Variants in FUBP3 observed in about 807,000 individuals in gnomAD.
The protein encoded by FUBP3 is far upstream element binding protein 3, also known as far upstream element-binding protein 3.
Under a neutral mutation model 85.6 loss-of-function variants are expected in FUBP3, and 28 were observed. The ratio of observed to expected loss-of-function variants is 0.33; its 90% confidence interval spans 0.24 to 0.45. The LOEUF is 0.45. Ranked by LOEUF, FUBP3 falls within the 20% of genes least tolerant of loss-of-function variation. FUBP3 has a pLI of 1.00. For synonymous variants in FUBP3, 271 were observed against 271.4 expected (o/e 1.00, Z 0.01); for missense variants, 583 against 755.1 (o/e 0.77, Z 2.67).
intron 1 of FUBP3, among the ~76,000 whole-genome samples, chr9:130,586,421 A>T (rs1442785374): frequency 1.3e-5 from 2 of 152,170 alleles, no homozygotes; most frequent in African/African-American, 4.8e-5. Context: ...TTGTAAATTG[A>T]GACAGGATCT....
intron 2 of FUBP3, among the ~76,000 whole-genome samples, chr9:130,606,495 T>G (rs1831443443): frequency 6.6e-6 from 1 of 152,144 alleles, no homozygotes; most frequent in African/African-American, 2.4e-5. Flanking sequence ...TTTTTGTTCC[T>G]TGTGCTGGGG....
intron 6 of FUBP3, 133 bp downstream of exon 6, chr9:130,614,478 A>G (rs958896261): frequency 1.2e-5 from 7 of 574,710 alleles, no homozygotes; most frequent in African/African-American, 1.1e-4. Context: ...ATAATTCCAT[A>G]GGAAAAAAAT....
At chr9:130,588,062 A>G (rs919578128) in intron 1 of FUBP3, among the ~76,000 whole-genome samples, 2 of 152,174 alleles carry the variant, frequency 1.3e-5, no homozygotes, top group African/African-American at 4.8e-5. Context: ...GATGACAACA[A>G]TAGTTCTCAT....
rs1464355835 is a variant in FUBP3, at chr9:130,589,689, A to T, written c.85-5794A>T. 2.8e-4 allele frequency among the ~76,000 whole-genome samples: 8 copies of T among 28,508 alleles called. 2 individuals are homozygous for T. The highest frequency in any genetic ancestry group is 4.4e-4 in the African/African-American group (3 of 6,794). The allele number at this position is 28,508 out of a possible 152,430, so 18.7% of individuals were successfully genotyped here. A position where few individuals can be genotyped will look rare whatever the true frequency, so the allele number is the denominator to read the frequency against. On this transcript the variant is annotated intron_variant, in intron 1 of 18. Coordinates refer to ENST00000319725, the MANE Select transcript of FUBP3 (RefSeq NM_003934.2). ...TGTATGTGTGTGTATATATATATAT[A>T]TATATATATATATATATTTTTTTTT...
rs147024531 is a variant in FUBP3 at position 130,583,873 on chromosome 9, A to C, written c.84+4109A>C. Among the ~76,000 whole-genome samples the C allele has an allele frequency of 2.3e-3, 348 of 152,280 alleles. 3 individuals carry two copies. Among genetic ancestry groups the C allele is most frequent in the African/African-American group, 7.6e-3 (315 of 41,544 alleles). Reference sequence around the variant, plus strand: ...AGGCTTTTCTCATTTGCAGATGAGAACATTTATAATGTGATAATTTATCAT... The same window carrying C: ...AGGCTTTTCTCATTTGCAGATGAGACCATTTATAATGTGATAATTTATCAT... On this transcript the variant is annotated intron_variant, in intron 1 of 18. Coordinates refer to ENST00000319725, the MANE Select transcript of FUBP3 (RefSeq NM_003934.2).
intron 3 of FUBP3, 68 bp downstream of exon 3, chr9:130,610,055 C>A (rs1831661514): frequency 8.3e-7 from 1 of 1,201,834 alleles, no homozygotes; most frequent in Non-Finnish European, 1.2e-6. Flanking sequence ...ACCATCTGTA[C>A]TAGAGTGCTA....
intron 1 of FUBP3, 67 bp downstream of exon 1, chr9:130,579,831 G>A (rs949514018): frequency 3.9e-6 from 4 of 1,024,366 alleles, no homozygotes; most frequent in Non-Finnish European, 3.8e-6. Flanking sequence ...GGGGAAGAGG[G>A]GTTCGGGCCT....
intron 9 of FUBP3, among the ~76,000 whole-genome samples, chr9:130,621,173 G>GA (rs1298770762): frequency 2.6e-5 from 4 of 151,962 alleles, no homozygotes; most frequent in Non-Finnish European, 4.4e-5. Flanking sequence ...AAAAATGAAG[G>GA]AAAAAAATGC....
chr9:130,627,786 T>A lies in FUBP3; in HGVS notation c.1117+1281T>A, dbSNP rs71501152. 4.6e-3 allele frequency among the ~76,000 whole-genome samples: 703 copies of A among 152,350 alleles called. 1 individual carries two copies. Among genetic ancestry groups the A allele is most frequent in the Middle Eastern group, 6.8e-3 (2 of 294 alleles). ...TGACGATTAGCTAGATCTAGATTTCTTGGCCTTTTGCAAACTATTTTGTCG... is the reference window on the plus strand; with the variant it reads ...TGACGATTAGCTAGATCTAGATTTCATGGCCTTTTGCAAACTATTTTGTCG... On this transcript the variant is annotated intron_variant, in intron 12 of 18. Transcript: ENST00000319725.
chr9:130,608,411 T>G (rs934548441), intron 2 of FUBP3, among the ~76,000 whole-genome samples: 4 of 152,220 alleles, frequency 2.6e-5, no homozygotes, highest in Non-Finnish European at 4.4e-5. Flanking sequence ...GTCGTTGACA[T>G]TCTCCTTTGG....
At chr9:130,587,635 C>T (rs1252633815) in intron 1 of FUBP3, among the ~76,000 whole-genome samples, 3 of 152,154 alleles carry the variant, frequency 2.0e-5, no homozygotes, top group African/African-American at 7.2e-5. Flanking sequence ...TTTTTCAGAA[C>T]GTGGACCTTT....
chr9:130,627,852 G>GC (rs1830043040), intron 12 of FUBP3, among the ~76,000 whole-genome samples: 1 of 152,176 alleles, frequency 6.6e-6, no homozygotes, highest in African/African-American at 2.4e-5. Flanking sequence ...CCCTGACTGA[G>GC]CATTGTTGCC....
At position 130,616,554 on chromosome 9, in the gene FUBP3, C is replaced by G; in HGVS notation, c.567+37C>G. ...CGGAGCACGGAGCACAGCGGCCGCT[C>G]GCAGCAGGTCTTCAGCTTCCTGGCC... On this transcript the variant is annotated intron_variant, in intron 7 of 18. Transcript: ENST00000319725. This position sits in a 1 kb window ranked among gnomAD's most constrained non-coding sequence, Gnocchi z 4.7. The G allele has an allele frequency of 1.9e-6, 3 of 1,601,094 alleles. No individual in the cohort carries two copies. The highest frequency in any genetic ancestry group is 2.6e-6 in the Non-Finnish European group (3 of 1,169,262).
In FUBP3 at chr9:130,579,648, T is replaced by A. The variant is rs1207238854; in HGVS notation, c.-33T>A. 8.3e-7 allele frequency: 1 copy of A among 1,210,052 alleles called. No homozygotes were observed. The highest frequency in any genetic ancestry group is 1.0e-6 in the Non-Finnish European group (1 of 965,600). 75.0% of individuals were successfully genotyped at this position (1,210,052 alleles called of 1,614,324 possible). ...GAGCCGAGCGGCGGCGTCGGCGGCG[T>A]CGGCGGCGGCGGCGACGGCGGCGGG... is the stretch of plus-strand genomic sequence containing the variant. On this transcript the variant is annotated 5_prime_UTR_variant, in exon 1 of 19. Coordinates refer to ENST00000319725, the MANE Select transcript of FUBP3 (RefSeq NM_003934.2).
chr9:130,604,242 A>G (rs565493543), intron 2 of FUBP3, among the ~76,000 whole-genome samples: 1 of 152,314 alleles, frequency 6.6e-6, no homozygotes, highest in Admixed American at 6.5e-5. Flanking sequence ...GGGGTCACCT[A>G]AGATCACAGC....
intron 5 of FUBP3, 148 bp downstream of exon 5, chr9:130,613,175 C>T (rs1831836713): frequency 1.6e-6 from 1 of 622,264 alleles, no homozygotes; most frequent in African/African-American, 1.8e-5. Flanking sequence ...TAAATGAGAA[C>T]CAGAAGGATC....
At chr9:130,623,447 T>G (rs1829836831) in intron 10 of FUBP3, among the ~76,000 whole-genome samples, 164 bp from the exon 11 acceptor site, 1 of 152,190 alleles carries the variant, frequency 6.6e-6, no homozygotes, top group African/African-American at 2.4e-5. Context: ...TGACACACAT[T>G]TTCCTATCAC....
chr9:130,627,810 C>T (rs1002580430), intron 12 of FUBP3, among the ~76,000 whole-genome samples: 3 of 152,174 alleles, frequency 2.0e-5, no homozygotes, highest in African/African-American at 7.2e-5. Flanking sequence ...ACTATTTTGT[C>T]GGCGAAGTTT....
At chr9:130,609,599 A>G (rs1244547443) in intron 2 of FUBP3, among the ~76,000 whole-genome samples, 1 of 152,240 alleles carries the variant, frequency 6.6e-6, no homozygotes, top group Admixed American at 6.5e-5. Context: ...AAAGAGAAAG[A>G]AGGATCTCTT....
Sources: gnomAD v4.1 joint callset for allele counts (sites outside exome capture counted in the v4.1 genomes callset) on GRCh38, gnomAD v4.1.1 for gene constraint, Gnocchi (gnomAD v3.1) non-coding constraint, MANE v1.5 for transcripts, NCBI Gene and HGNC (gene_info 2026-07-23, HGNC 2026-07-21) for gene names.